CARD6: variants seen among roughly 807,000 people sequenced by gnomAD.
The protein encoded by CARD6 is caspase recruitment domain-containing protein 6.
CARD6 carries 27 observed loss-of-function variants against 23.6 expected under a neutral mutation model. That is an observed-to-expected ratio of 1.14 (90% CI 0.84 to 1.58). CARD6 has a LOEUF of 1.58. Ranked by LOEUF, CARD6 falls within the 40% of genes most tolerant of loss-of-function variation. The pLI is 0.00. For synonymous variants in CARD6, 397 were observed against 431.8 expected (o/e 0.92, Z 1.00); for missense variants, 1,214 against 1,209.9 (o/e 1.00, Z -0.05).
rs1161791266 is a variant in CARD6, at chr5:40,852,243, A to G, written c.911A>G (p.Asp304Gly). ...GATAGAAGCAGAAAGGTTCTGCCAG[A>G]TTTTGTTAAACAATTCTCCTTAGAT... ...NMDRSRKVLP[D>G]FVKQFSLDRG... The change falls in exon 3 of 3, where the codon GAT (aspartate) becomes GGT (glycine). Residue 304 changes from aspartate (D) to glycine (G), a missense_variant. By Grantham distance (94) the Asp-to-Gly change is moderately conservative (BLOSUM62 -1). Transcript: ENST00000254691. The G allele has an allele frequency of 1.2e-6, 2 of 1,614,190 alleles. No homozygotes were observed. The highest frequency in any genetic ancestry group is 1.7e-5 in the Admixed American group (1 of 60,020).
intron 2 of CARD6, among the ~76,000 whole-genome samples, chr5:40,847,820 G>C (rs1341164022): frequency 6.6e-6 from 1 of 150,812 alleles, no homozygotes; most frequent in Non-Finnish European, 1.5e-5. Flanking sequence ...TTTTCTCTTA[G>C]TGTTTGCAGA....
Position 40,843,240 on chromosome 5 carries a change from G to A in CARD6, c.372G>A (p.Gln124=), listed in dbSNP as rs148880911. Residue 124 remains glutamine (Q), a synonymous_variant, in exon 2 of 3, where the codon CAG becomes CAA. Transcript: ENST00000254691. ...SEDAFSPGIK[Q]PEAPEITVFF... is the part of the protein sequence containing the mutation. ...ATGCTTTTTCTCCTGGAATAAAACA[G>A]CCTGAAGCCCCTGAGATCACAGTGT... is the stretch of plus-strand genomic sequence containing the variant. 6.1e-5 allele frequency: 98 copies of A among 1,614,030 alleles called. No individual in the cohort carries two copies. The Middle Eastern group carries it at 1.3e-3, about 22-fold the overall frequency.
In CARD6 at chr5:40,843,660, A is replaced by G; in HGVS notation, c.792A>G (p.Gly264=). The change falls in exon 2 of 3, where the codon GGA becomes GGG. Residue 264 remains glycine, a synonymous_variant. Coordinates refer to ENST00000254691, the MANE Select transcript of CARD6 (RefSeq NM_032587.4). The stretch of plus-strand genomic sequence containing the variant: ...CTGGTGAAGAACCAAGTTATGAGGG[A>G]TCAGAAACCAGCCTTTCATTGGAGG... ...EFSGEEPSYE[G]SETSLSLEEE... is the part of the protein sequence containing the mutation. 6.4e-7 allele frequency: 1 copy of G among 1,565,562 alleles called. No individual in the cohort carries two copies.
chr5:40,851,538 T>C (rs932505104), intron 2 of CARD6, among the ~76,000 whole-genome samples: 7 of 151,910 alleles, frequency 4.6e-5, no homozygotes, highest in Admixed American at 2.6e-4. Flanking sequence ...AAATGTAGAT[T>C]AGACCGGGTG....
Position 40,852,798 on chromosome 5 carries a change from A to G in CARD6, c.1466A>G (p.Gln489Arg), listed in dbSNP as rs1746096743. ...AAATTACACAAAATCTTTCTTCATCAAGATTTGCCTCTTTTGGTGCTTCCC... is the reference window on the plus strand; with the variant it reads ...AAATTACACAAAATCTTTCTTCATCGAGATTTGCCTCTTTTGGTGCTTCCC... Reference protein sequence around the residue: ...QLKLHKIFLHQDLPLLVLPRQ... With the variant: ...QLKLHKIFLHRDLPLLVLPRQ... Residue 489 changes from glutamine (Q) to arginine (R), a missense_variant, in exon 3 of 3, where the codon CAA becomes CGA. Coordinates refer to ENST00000254691, the MANE Select transcript of CARD6 (RefSeq NM_032587.4). 6.2e-7 allele frequency: 1 copy of G among 1,614,156 alleles called. No individual in the cohort carries two copies. Among genetic ancestry groups the G allele is most frequent in the African/African-American group, 1.3e-5 (1 of 75,058 alleles).
chr5:40,841,705 G>A, intron 1 of CARD6, 40 bp downstream of exon 1: 3 of 1,423,332 alleles, frequency 2.1e-6, no homozygotes, highest in Admixed American at 2.6e-5. Flanking sequence ...GAGAGGAAGG[G>A]GGCAGACTTT....
chr5:40,845,448 T>A (rs1745950667), intron 2 of CARD6, among the ~76,000 whole-genome samples: 1 of 152,144 alleles, frequency 6.6e-6, no homozygotes, highest in Admixed American at 6.6e-5. Context: ...GGGTTAGGAT[T>A]TCAACATATG....
At chr5:40,846,265 G>C (rs1056907921) in intron 2 of CARD6, among the ~76,000 whole-genome samples, 3 of 151,938 alleles carry the variant, frequency 2.0e-5, no homozygotes, top group African/African-American at 7.3e-5. Context: ...CACCCACCTC[G>C]GCCTCCCAAA....
At chr5:40,850,271 A>G (rs1338586736) in intron 2 of CARD6, among the ~76,000 whole-genome samples, 2 of 151,036 alleles carry the variant, frequency 1.3e-5, no homozygotes, top group African/African-American at 4.9e-5. Flanking sequence ...AAAATTAGCC[A>G]GGTGTGGTGG....
At chr5:40,846,174 G>A (rs1333235563) in intron 2 of CARD6, among the ~76,000 whole-genome samples, 3 of 151,658 alleles carry the variant, frequency 2.0e-5, no homozygotes, top group South Asian at 2.1e-4. Context: ...TACCACGCCT[G>A]GCTAATTTTT....
At position 40,853,189 on chromosome 5, in the gene CARD6, G is replaced by A. The variant is rs774032797; in HGVS notation, c.1857G>A (p.Arg619=). ...AGAGGGGAGATGCTGGGGATAGAAG[G>A]AAGAACATGGAGGGCCTTCAAGCTG... ...FWERGDAGDR[R]KNMEGLQAAL... Residue 619 remains arginine (R), a synonymous_variant, in exon 3 of 3, where the codon AGG becomes AGA. Transcript: ENST00000254691. The A allele has an allele frequency of 1.5e-5, 25 of 1,614,078 alleles. No individual in the cohort carries two copies. In the Admixed American group the frequency reaches 3.7e-4, roughly 24 times the overall value.
chr5:40,843,185 A>G lies in CARD6; in HGVS notation c.317A>G (p.Gln106Arg). The G allele has an allele frequency of 6.2e-7, 1 of 1,605,818 alleles. No homozygotes were observed. Among genetic ancestry groups the G allele is most frequent in the Non-Finnish European group, 8.5e-7 (1 of 1,178,070 alleles). Residue 106 changes from glutamine (Q) to arginine (R), a missense_variant, in exon 2 of 3, where the codon CAA (glutamine) becomes CGA (arginine). By Grantham distance (43) the Gln-to-Arg change is conservative. Coordinates refer to ENST00000254691, the MANE Select transcript of CARD6 (RefSeq NM_032587.4). Reference sequence around the variant, plus strand: ...AAACATGAGAATACAGTACCTCCTCAATCTATGGGGGCAAGCAGTAATTCA... The same window carrying G: ...AAACATGAGAATACAGTACCTCCTCGATCTATGGGGGCAAGCAGTAATTCA... ...VLKHENTVPP[Q>R]SMGASSNSED...
In CARD6 at chr5:40,843,562, G is replaced by T; in HGVS notation, c.694G>T (p.Val232Phe). 1 of 1,610,102 alleles carries T rather than the reference G, an allele frequency of 6.2e-7. No homozygotes were observed. Among genetic ancestry groups the T allele is most frequent in the Non-Finnish European group, 8.5e-7 (1 of 1,179,030 alleles). Reference protein sequence around the residue: ...EDAEATVEEEVYDDPEHVGYD... With the variant: ...EDAEATVEEEFYDDPEHVGYD... The stretch of plus-strand genomic sequence containing the variant: ...TGCAGAAGCCACTGTGGAAGAGGAG[G>T]TTTATGATGACCCAGAGCACGTTGG... The change falls in exon 2 of 3, where the codon GTT becomes TTT. Residue 232 changes from valine (V) to phenylalanine (F), a missense_variant. Val to Phe is a conservative substitution (Grantham distance 50). Coordinates refer to ENST00000254691, the MANE Select transcript of CARD6 (RefSeq NM_032587.4).
intron 2 of CARD6, among the ~76,000 whole-genome samples, chr5:40,848,874 T>C (rs1311162738): frequency 2.0e-5 from 3 of 152,212 alleles, no homozygotes; most frequent in African/African-American, 4.8e-5. Context: ...TGCTTACTTT[T>C]TTCACCTAGC....
In CARD6 at chr5:40,842,651, A is replaced by AT. The variant is rs879415852; in HGVS notation, c.284-490dup. 3.9e-3 allele frequency among the ~76,000 whole-genome samples: 569 copies of AT among 147,700 alleles called. 1 individual carries two copies. Among genetic ancestry groups the AT allele is most frequent in the African/African-American group, 7.9e-3 (320 of 40,638 alleles). On this transcript the variant is annotated intron_variant, in intron 1 of 2. Transcript: ENST00000254691. ...TTAAGCAAGACAGTGGTGTGATCTGATTTTTTTTTTTAGTGGAAAAAAGAA... is the reference window on the plus strand; with the variant it reads ...TTAAGCAAGACAGTGGTGTGATCTGATTTTTTTTTTTTAGTGGAAAAAAGAA...
In CARD6 at chr5:40,853,079, C is replaced by T; in HGVS notation, c.1747C>T (p.Leu583Phe). ...EAAIERCYFV[L>F]SSQARESEEA... ...TGCCATTGAAAGATGCTACTTTGTTCTCAGTTCCCAAGCCAGGGAGAGTGA... is the reference window on the plus strand; with the variant it reads ...TGCCATTGAAAGATGCTACTTTGTTTTCAGTTCCCAAGCCAGGGAGAGTGA... The change falls in exon 3 of 3, where the codon CTC becomes TTC. Residue 583 changes from leucine to phenylalanine, a missense_variant. Leu to Phe is a conservative substitution (Grantham distance 22). Coordinates refer to ENST00000254691, the MANE Select transcript of CARD6 (RefSeq NM_032587.4). 6.2e-7 allele frequency: 1 copy of T among 1,614,092 alleles called. No homozygotes were observed. Among genetic ancestry groups the T allele is most frequent in the Non-Finnish European group, 8.5e-7 (1 of 1,180,028 alleles).
chr5:40,842,379 C>T (rs916517993), intron 1 of CARD6, among the ~76,000 whole-genome samples: 1 of 152,082 alleles, frequency 6.6e-6, no homozygotes, highest in African/African-American at 2.4e-5. Context: ...GTTAGTGATA[C>T]CTAATTTAGG....
rs935330590 is a variant in CARD6, at chr5:40,855,340, A to G, written c.*894A>G. 15 of 152,312 alleles carry G rather than the reference A, an allele frequency of 9.8e-5. No homozygotes were observed. The highest frequency in any genetic ancestry group is 3.4e-4 in the African/African-American group (14 of 41,442). The allele number at this position is 152,312 out of a possible 1,614,324, so 9.4% of individuals were successfully genotyped here. ...AATGAATTAACAACCAATAAAATTA[A>G]TCATTTGGCATTAACTTTGTGAAAG... On this transcript the variant is annotated 3_prime_UTR_variant, in exon 3 of 3. Coordinates refer to ENST00000254691, the MANE Select transcript of CARD6 (RefSeq NM_032587.4).
In CARD6 at chr5:40,852,917, C is replaced by T. The variant is rs537856738; in HGVS notation, c.1585C>T (p.Leu529=). Residue 529 remains leucine, a synonymous_variant, in exon 3 of 3, where the codon CTG becomes TTG. Coordinates refer to ENST00000254691, the MANE Select transcript of CARD6 (RefSeq NM_032587.4). The part of the protein sequence containing the change: ...ENPFFQKPVA[L]ANLRGNLESF... ...CCCCTTTTTCCAAAAGCCTGTTGCT[C>T]TGGCTAATCTCCGTGGAAATCTAGA... 6.8e-6 allele frequency: 11 copies of T among 1,614,106 alleles called. No homozygotes were observed. The highest frequency in any genetic ancestry group is 5.0e-5 in the Admixed American group (3 of 59,988).
Sources: allele counts gnomAD v4.1 joint callset (sites outside exome capture counted in the v4.1 genomes callset), GRCh38; gene constraint gnomAD v4.1.1; transcripts MANE v1.5; gene names NCBI Gene and HGNC (gene_info 2026-07-23, HGNC 2026-07-21).